Variants in ZGLP1 observed in about 807,000 individuals in gnomAD.
The protein encoded by ZGLP1 is GATA-type zinc finger protein 1.
In ZGLP1, 11 loss-of-function variants were observed where a neutral mutation model predicts 21.4. The ratio of observed to expected loss-of-function variants is 0.51; its 90% CI spans 0.32 to 0.85. The LOEUF (loss-of-function observed/expected upper bound fraction) is 0.85. Among genes scored for constraint, ZGLP1 ranks in the 40% least tolerant of loss-of-function variants. ZGLP1 has a pLI of 0.03. For synonymous variants in ZGLP1, 148 were observed against 145.0 expected (o/e 1.02, Z -0.15); for missense variants, 295 against 355.6 (o/e 0.83, Z 1.37).
In ZGLP1 at chr19:10,305,332, G is replaced by A. The variant is rs1439870059; in HGVS notation, c.698+58C>T. On this transcript the variant is annotated intron_variant, in intron 3 of 3. Transcript: ENST00000403903. The surrounding 1 kb of genome is among the most constrained non-coding windows in gnomAD (Gnocchi z 4.7). ...TTTGCTTTCCCCACAGGCCATCCTGGTTACACGTGGACTGATTTGGGGACC... is the reference window on the plus strand; with the variant it reads ...TTTGCTTTCCCCACAGGCCATCCTGATTACACGTGGACTGATTTGGGGACC... The A allele has an allele frequency of 3.9e-6, 6 of 1,543,456 alleles. No individual in the cohort carries two copies. The highest frequency in any genetic ancestry group is 5.3e-6 in the Non-Finnish European group (6 of 1,132,976).
Position 10,304,909 on chromosome 19 carries a change from G to A in ZGLP1, c.*182C>T, listed in dbSNP as rs1340395674. The A allele has an allele frequency of 5.0e-6, 3 of 597,080 alleles. No individual in the cohort carries two copies. The African/African-American group carries it at 5.6e-5, about 11-fold the overall frequency. The allele number at this position is 597,080 out of a possible 1,614,324, so 37.0% of individuals were successfully genotyped here. ...CCAAGGCTGACTGGAGAAGGGGCTGGTGACCCCTAGCAGGCTCTGCCACCT... is the reference window on the plus strand; with the variant it reads ...CCAAGGCTGACTGGAGAAGGGGCTGATGACCCCTAGCAGGCTCTGCCACCT... On this transcript the variant is annotated 3_prime_UTR_variant, in exon 4 of 4. Coordinates refer to ENST00000403903, the Ensembl canonical transcript of ZGLP1.
chr19:10,307,812 G>T (rs1184086611), intron 1 of ZGLP1, among the ~76,000 whole-genome samples: 1 of 152,218 alleles, frequency 6.6e-6, no homozygotes, highest in Non-Finnish European at 1.5e-5. Flanking sequence ...CACTGTGCCC[G>T]GCCTCCCCAG....
At chr19:10,309,319 G>T (rs1032976339) in exon 1 of ZGLP1, 3 of 152,800 alleles carry the variant, frequency 2.0e-5, no homozygotes, top group African/African-American at 7.2e-5. Context: ...TGCTAGCGGG[G>T]TCCGGGGAAT....
At position 10,305,258 on chromosome 19, in the gene ZGLP1, G is replaced by GA; in HGVS notation, c.699-51dup. The GA allele has an allele frequency of 3.2e-6, 5 of 1,582,494 alleles. No homozygotes were observed. The highest frequency in any genetic ancestry group is 2.6e-6 in the Non-Finnish European group (3 of 1,153,320). Reference sequence around the variant, plus strand: ...CCATTTAGGATGCAGTGGGGGCCCGGAAACCGCCACAAGGAAACCACTTTT... The same window carrying GA: ...CCATTTAGGATGCAGTGGGGGCCCGGAAAACCGCCACAAGGAAACCACTTTT... On this transcript the variant is annotated intron_variant, in intron 3 of 3. Transcript: ENST00000403903. The surrounding 1 kb of genome is among the most constrained non-coding windows in gnomAD (Gnocchi z 4.7).
At position 10,306,198 on chromosome 19, in the gene ZGLP1, C is replaced by T. The variant is rs143603262; in HGVS notation, c.498-246G>A. ...TGTCATCTCAGCTCACTACAACCTC[C>T]ACCTCCCGGGTTCAAGCAATTCTTG... On this transcript the variant is annotated intron_variant, in intron 1 of 3. Coordinates refer to ENST00000403903, the Ensembl canonical transcript of ZGLP1. Among the ~76,000 whole-genome samples, 970 of 151,884 alleles carry T rather than the reference C, an allele frequency of 6.4e-3. 12 individuals are homozygous for T. The highest frequency in any genetic ancestry group is 0.022 in the African/African-American group (925 of 41,380).
exon 1 of ZGLP1, chr19:10,309,223 T>G (rs2040298404): frequency 1.3e-5 from 2 of 152,640 alleles, no homozygotes; most frequent in Non-Finnish European, 2.9e-5. Flanking sequence ...TTTGTAAGTT[T>G]CAGTAACTAT....
chr19:10,308,924 C>CCG, exon 1 of ZGLP1: 1 of 347,112 alleles, frequency 2.9e-6, no homozygotes, highest in Non-Finnish European at 5.2e-6. Context: ...CTCTGTACCC[C>CCG]CGCCTGGAGT....
chr19:10,307,330 G>C (rs890003527), intron 1 of ZGLP1, among the ~76,000 whole-genome samples: 8 of 146,086 alleles, frequency 5.5e-5, no homozygotes, highest in Admixed American at 3.5e-4. Flanking sequence ...GAGCCACCAG[G>C]CCCAGCTTCC....
chr19:10,308,131 G>A (rs1337020278), intron 1 of ZGLP1, 54 bp downstream of exon 2: 4 of 1,504,816 alleles, frequency 2.7e-6, no homozygotes, highest in African/African-American at 1.4e-5. Context: ...CTCCCACACT[G>A]GTGTTTGCGT....
Position 10,305,973 on chromosome 19 carries a change from T to C in ZGLP1, c.498-21A>G. ...GCAGGCTGTGGGGCAGACAAGGTAT[T>C]AGCACTGGGGGGGATCTGTAGCTTG... On this transcript the variant is annotated intron_variant, in intron 1 of 3. Coordinates refer to ENST00000403903, the Ensembl canonical transcript of ZGLP1. The surrounding 1 kb of genome is among the most constrained non-coding windows in gnomAD (Gnocchi z 4.7). 6.6e-7 allele frequency: 1 copy of C among 1,517,608 alleles called. No homozygotes were observed. The highest frequency in any genetic ancestry group is 1.2e-5 in the South Asian group (1 of 83,338). The allele number at this position is 1,517,608 out of a possible 1,614,324, so 94.0% of individuals were successfully genotyped here. A position where few individuals can be genotyped will look rare whatever the true frequency, so the allele number is the denominator to read the frequency against.
In ZGLP1 at chr19:10,309,771, TG is replaced by T. The variant is rs1303100251; in HGVS notation, c.-1091del. ...CCACGCTAGCCCTCCCCCTCGGAAA[TG>T]GGGGCTCCCAGGCCTCTGCCTTGGA... On this transcript the variant is annotated 5_prime_UTR_variant, in exon 1 of 4. An upstream open reading frame in the 5' UTR loses its in-frame stop. Coordinates refer to ENST00000403903, the Ensembl canonical transcript of ZGLP1. The T allele has an allele frequency of 6.6e-6, 1 of 152,124 alleles. No individual in the cohort carries two copies. Among genetic ancestry groups the T allele is most frequent in the Admixed American group, 6.6e-5 (1 of 15,258 alleles). The allele number at this position is 152,124 out of a possible 1,614,324, so 9.4% of individuals were successfully genotyped here. A position where few individuals can be genotyped will look rare whatever the true frequency, so the allele number is the denominator to read the frequency against.
chr19:10,308,585 G>T (rs1292933888), exon 1 of ZGLP1: 2 of 1,583,938 alleles, frequency 1.3e-6, no homozygotes, highest in South Asian at 1.1e-5. Flanking sequence ...CGTTTTCTTG[G>T]GTGACTCCTG....
chr19:10,308,260 T>C (rs1429737368), exon 1 of ZGLP1: 2 of 1,598,850 alleles, frequency 1.3e-6, no homozygotes, highest in African/African-American at 2.7e-5. Flanking sequence ...GAACCCAGGG[T>C]CCACTCTCTC....
Position 10,305,066 on chromosome 19 carries a change from G to A in ZGLP1, c.*25C>T. 1 of 1,558,474 alleles carries A rather than the reference G, an allele frequency of 6.4e-7. No individual in the cohort carries two copies. The highest frequency in any genetic ancestry group is 8.8e-7 in the Non-Finnish European group (1 of 1,130,088). ...CACTGGTGAAACGGAGGCAGAAGCAGCAGCTCAGCAGGGTGAAGCTGGGTT... is the reference window on the plus strand; with the variant it reads ...CACTGGTGAAACGGAGGCAGAAGCAACAGCTCAGCAGGGTGAAGCTGGGTT... On this transcript the variant is annotated 3_prime_UTR_variant, in exon 4 of 4. Transcript: ENST00000403903. This position sits in a 1 kb window ranked among gnomAD's most constrained non-coding sequence, Gnocchi z 4.7.
At position 10,305,087 on chromosome 19, in the gene ZGLP1, G is replaced by A. The variant is rs773148250; in HGVS notation, c.*4C>T. 22 of 1,607,936 alleles carry A rather than the reference G, an allele frequency of 1.4e-5. No individual in the cohort carries two copies. Among genetic ancestry groups the A allele is most frequent in the Admixed American group, 5.0e-5 (3 of 59,966 alleles). Reference sequence around the variant, plus strand: ...AGCAGCAGCTCAGCAGGGTGAAGCTGGGTTTAACCTTCCTGAATGGGGTCC... The same window carrying A: ...AGCAGCAGCTCAGCAGGGTGAAGCTAGGTTTAACCTTCCTGAATGGGGTCC... On this transcript the variant is annotated 3_prime_UTR_variant, in exon 4 of 4. Transcript: ENST00000403903. The surrounding 1 kb of genome is among the most constrained non-coding windows in gnomAD (Gnocchi z 4.7).
At position 10,308,706 on chromosome 19, in the gene ZGLP1, A is replaced by G. The variant is rs371925344; in HGVS notation, c.-25T>C. 4.0e-5 allele frequency: 59 copies of G among 1,470,792 alleles called. 1 individual carries two copies. Among genetic ancestry groups the G allele is most frequent in the East Asian group, 2.1e-4 (9 of 43,266 alleles). The allele number at this position is 1,470,792 out of a possible 1,614,324, so 91.1% of individuals were successfully genotyped here. ...TTTCTAACTCTGGGTGGAAGGTTTAAGAGTTGCAGTAATTGCAACTCACCT... is the reference window on the plus strand; with the variant it reads ...TTTCTAACTCTGGGTGGAAGGTTTAGGAGTTGCAGTAATTGCAACTCACCT... On this transcript the variant is annotated 5_prime_UTR_variant, in exon 1 of 4. Transcript: ENST00000403903.
chr19:10,305,536 G>T lies in ZGLP1; in HGVS notation c.605-53C>A. 1 of 1,483,240 alleles carries T rather than the reference G, an allele frequency of 6.7e-7. No individual in the cohort carries two copies. The highest frequency in any genetic ancestry group is 1.2e-5 in the South Asian group (1 of 83,322). The allele number at this position is 1,483,240 out of a possible 1,614,324, so 91.9% of individuals were successfully genotyped here. On this transcript the variant is annotated intron_variant, in intron 2 of 3. Transcript: ENST00000403903. This position sits in a 1 kb window ranked among gnomAD's most constrained non-coding sequence, Gnocchi z 4.7. ...GGTCAGAGGCCAAGCATGTGAGCTC[G>T]GGATGCCTGTGCGGAGTCGGGCATT...
Position 10,305,296 on chromosome 19 carries a change from G to C in ZGLP1, c.699-88C>G. ...GGAAACCACTTTTCCCAAGAGGTAGGTGTTTTGCTTTTTGCTTTCCCCACA... is the reference window on the plus strand; with the variant it reads ...GGAAACCACTTTTCCCAAGAGGTAGCTGTTTTGCTTTTTGCTTTCCCCACA... On this transcript the variant is annotated intron_variant, in intron 3 of 3. Transcript: ENST00000403903. This position sits in a 1 kb window ranked among gnomAD's most constrained non-coding sequence, Gnocchi z 4.7. The C allele has an allele frequency of 1.3e-6, 2 of 1,558,624 alleles. No individual in the cohort carries two copies. Among genetic ancestry groups the C allele is most frequent in the Non-Finnish European group, 1.8e-6 (2 of 1,137,838 alleles).
intron 1 of ZGLP1, among the ~76,000 whole-genome samples, chr19:10,307,647 T>G (rs1419083394): frequency 6.6e-6 from 1 of 152,088 alleles, no homozygotes; most frequent in African/African-American, 2.4e-5. Flanking sequence ...CCTGAGCAGC[T>G]GGGATTACAG....
Sources: allele counts gnomAD v4.1 joint callset (sites outside exome capture counted in the v4.1 genomes callset), GRCh38; gene constraint gnomAD v4.1.1; non-coding constraint Gnocchi (gnomAD v3.1); transcripts MANE v1.5; gene names NCBI Gene and HGNC (gene_info 2026-07-23, HGNC 2026-07-21).